The following SENP5 variants were observed in gnomAD, a reference collection of about 807,000 sequenced individuals.
SENP5 encodes the protein sentrin-specific protease 5.
SENP5 carries 21 observed loss-of-function variants against 74.2 expected under a neutral mutation model. The observed-to-expected ratio is 0.28, with a 90% CI of 0.20 to 0.41. The LOEUF is 0.41. Ranked by LOEUF, SENP5 falls within the 10% of genes least tolerant of loss-of-function variation. The pLI, the probability that SENP5 is intolerant of heterozygous loss-of-function variation, is 1.00. For missense variants in SENP5, 717 were observed against 889.1 expected (o/e 0.81, Z 2.46); for synonymous variants, 311 against 312.7 (o/e 0.99, Z 0.06).
intron 8 of SENP5, chr3:196,929,284 G>A (rs1218541629): frequency 8.8e-6 from 2 of 226,834 alleles, no homozygotes; most frequent in African/African-American, 2.4e-5. Context: ...GCATCCAGAG[G>A]CTGGGCCTTT....
At chr3:196,883,596 GC>G in intron 1 of SENP5, among the ~76,000 whole-genome samples, 1 of 152,242 alleles carries the variant, frequency 6.6e-6, no homozygotes, top group African/African-American at 2.4e-5. Flanking sequence ...CTTTGAGCCA[GC>G]GTTTCCTTTT....
At chr3:196,897,429 G>T (rs1353287236) in intron 2 of SENP5, among the ~76,000 whole-genome samples, 2 of 152,158 alleles carry the variant, frequency 1.3e-5, no homozygotes, top group Non-Finnish European at 2.9e-5. Flanking sequence ...TACTGTATTT[G>T]CCCAAAGCCT....
chr3:196,871,681 C>G (rs1006792583), intron 1 of SENP5, among the ~76,000 whole-genome samples: 2 of 151,704 alleles, frequency 1.3e-5, no homozygotes, highest in Non-Finnish European at 2.9e-5. Flanking sequence ...ATAATGAGAC[C>G]CCATCTCTAC....
Position 196,885,449 on chromosome 3 carries a change from A to G in SENP5, c.268A>G (p.Ser90Gly). The change falls in exon 2 of 10, where the codon AGT becomes GGT. Residue 90 changes from serine to glycine, a missense_variant. Transcript: ENST00000323460. ...GTTCAATGTGGCTACTCAAAATGTT[A>G]GTACTTTGTCCTCTAAAGTGAAAAG... ...TKFNVATQNVSTLSSKVKRKD... is the reference protein window; with the variant it reads ...TKFNVATQNVGTLSSKVKRKD... 1 of 1,614,170 alleles carries G rather than the reference A, an allele frequency of 6.2e-7. No homozygotes were observed. Among genetic ancestry groups the G allele is most frequent in the East Asian group, 2.2e-5 (1 of 44,882 alleles).
chr3:196,888,364 C>T (rs1420145161), intron 2 of SENP5, among the ~76,000 whole-genome samples: 3 of 150,918 alleles, frequency 2.0e-5, no homozygotes, highest in East Asian at 4.0e-4. Context: ...GGGCGGATCA[C>T]CTGAGGTCAG....
At chr3:196,910,324 C>T (rs1292761758) in intron 6 of SENP5, among the ~76,000 whole-genome samples, 1 of 148,270 alleles carries the variant, frequency 6.7e-6, no homozygotes, top group Non-Finnish European at 1.5e-5. Flanking sequence ...GGCCATACTG[C>T]CCAAAGTAAT....
rs1474990109 is a variant in SENP5, at chr3:196,885,745, CA to C, written c.566del (p.Asn189ThrfsTer24). On this transcript the variant is annotated frameshift_variant, in exon 2 of 10. Coordinates refer to ENST00000323460, the MANE Select transcript of SENP5 (RefSeq NM_152699.5). LOFTEE classifies it high-confidence loss of function. The part of the protein sequence containing the change: ...ESGTIVVTLN[N>X]HKRKGFCYGC... Reference sequence around the variant, plus strand: ...GTGGCACGATTGTGGTCACCTTGAACAACCATAAGAGAAAGGGCTTTTGTTA... The same window carrying C: ...GTGGCACGATTGTGGTCACCTTGAACACCATAAGAGAAAGGGCTTTTGTTA... 6.2e-7 allele frequency: 1 copy of C among 1,614,106 alleles called. No individual in the cohort carries two copies. The highest frequency in any genetic ancestry group is 8.5e-7 in the Non-Finnish European group (1 of 1,180,050).
Position 196,899,783 on chromosome 3 carries a change from A to T in SENP5, c.1619+12A>T. Reference sequence around the variant, plus strand: ...GACTTTTCTAATAGGTATATAAATGATGCTAAAGTTAAGCCCTTGAAAATA... The same window carrying T: ...GACTTTTCTAATAGGTATATAAATGTTGCTAAAGTTAAGCCCTTGAAAATA... On this transcript the variant is annotated intron_variant, in intron 3 of 9. Transcript: ENST00000323460. 6.4e-7 allele frequency: 1 copy of T among 1,556,154 alleles called. No homozygotes were observed. Among genetic ancestry groups the T allele is most frequent in the Non-Finnish European group, 8.8e-7 (1 of 1,131,598 alleles).
chr3:196,877,344 C>T (rs903576471), intron 1 of SENP5, among the ~76,000 whole-genome samples: 6 of 151,992 alleles, frequency 3.9e-5, no homozygotes, highest in Non-Finnish European at 5.9e-5. Context: ...CCACCACACA[C>T]GGCTAAGTTT....
At chr3:196,907,193 G>A (rs988129028) in intron 6 of SENP5, among the ~76,000 whole-genome samples, 7 of 151,854 alleles carry the variant, frequency 4.6e-5, no homozygotes, top group African/African-American at 1.5e-4. Context: ...TGAACGATGG[G>A]CCGGGCACAG....
In SENP5 at chr3:196,887,535, A is replaced by G. The variant is rs535282439; in HGVS notation, c.1513+841A>G. Among the ~76,000 whole-genome samples, 6 of 149,672 alleles carry G rather than the reference A, an allele frequency of 4.0e-5. No individual in the cohort carries two copies. The South Asian group carries it at 1.3e-3, about 32-fold the overall frequency. ...TGTTTTTTTTTTTTTAATATAGGAG[A>G]CGCTCAATGTACCAGGCACTGTGCT... On this transcript the variant is annotated intron_variant, in intron 2 of 9. Transcript: ENST00000323460.
At chr3:196,914,391 G>A (rs1715263971) in intron 6 of SENP5, 1 of 151,028 alleles carries the variant, frequency 6.6e-6, no homozygotes, top group African/African-American at 2.4e-5. Flanking sequence ...GGTTATATAG[G>A]AGAAAACATC....
intron 2 of SENP5, among the ~76,000 whole-genome samples, chr3:196,898,207 C>T (rs1034778494): frequency 2.1e-5 from 3 of 142,326 alleles, no homozygotes; most frequent in South Asian, 2.2e-4. Context: ...AAAGAAAGAA[C>T]GTCCTGGGTT....
intron 1 of SENP5, among the ~76,000 whole-genome samples, chr3:196,876,640 A>G (rs1005457585): frequency 1.3e-4 from 20 of 151,420 alleles, no homozygotes; most frequent in African/African-American, 3.9e-4. Context: ...CTATAATCTC[A>G]GCTCTTTCGG....
At chr3:196,927,772 G>C in intron 7 of SENP5, 24 bp from the exon 8 acceptor site, 1 of 1,386,456 alleles carries the variant, frequency 7.2e-7, no homozygotes, top group African/African-American at 1.4e-5. Context: ...CACAGCATCT[G>C]TGTTGTGGTT....
intron 8 of SENP5, among the ~76,000 whole-genome samples, chr3:196,928,400 C>T (rs534529030): frequency 3.9e-5 from 6 of 152,294 alleles, no homozygotes; most frequent in East Asian, 3.9e-4. Flanking sequence ...TCATTCCTGT[C>T]GTAAATACCA....
Position 196,886,525 on chromosome 3 carries a change from C to A in SENP5, c.1344C>A (p.Leu448=). The A allele has an allele frequency of 2.5e-6, 4 of 1,613,722 alleles. No homozygotes were observed. The highest frequency in any genetic ancestry group is 3.4e-6 in the Non-Finnish European group (4 of 1,179,894). Residue 448 remains leucine (L), a synonymous_variant, in exon 2 of 10, where the codon CTC becomes CTA. Transcript: ENST00000323460. ...NSYQMEEDGS[L]KQSILSSELL... is the part of the protein sequence containing the mutation. ...ACCAGATGGAGGAGGATGGATCTCT[C>A]AAGCAGAGCATTCTTAGTTCTGAGT...
chr3:196,869,597 CT>C (rs1713114836), intron 1 of SENP5, among the ~76,000 whole-genome samples: 1 of 150,978 alleles, frequency 6.6e-6, no homozygotes, highest in Admixed American at 6.6e-5. Flanking sequence ...CCCATCTCTA[CT>C]AAAAATACAA....
rs937689159 is a variant in SENP5 at position 196,931,992 on chromosome 3, C to T, written c.*1069C>T. On this transcript the variant is annotated 3_prime_UTR_variant, in exon 10 of 10. Coordinates refer to ENST00000323460, the MANE Select transcript of SENP5 (RefSeq NM_152699.5). ...CAGCAACCGTGTCAGGTTCTTTCTC[C>T]TGTCCCATTAGTGACCTCAGTAACA... 1.1e-5 allele frequency: 5 copies of T among 441,994 alleles called. No homozygotes were observed. In the Admixed American group the frequency reaches 1.3e-4, roughly 11 times the overall value. The allele number at this position is 441,994 out of a possible 1,614,324, so 27.4% of individuals were successfully genotyped here.
Sources: gnomAD v4.1 joint callset for allele counts (sites outside exome capture counted in the v4.1 genomes callset) on GRCh38, gnomAD v4.1.1 for gene constraint, MANE v1.5 for transcripts, NCBI Gene and HGNC (gene_info 2026-07-23, HGNC 2026-07-21) for gene names.